Variants in ZNF581 observed in about 807,000 individuals in gnomAD.
ZNF581 encodes the protein zinc finger protein 581.
ZNF581 carries 1 observed loss-of-function variant against 1.2 expected under a neutral mutation model. That is an observed-to-expected ratio of 0.83 (90% CI 0.30 to 3.95). The LOEUF is 3.95. Among genes scored for constraint, ZNF581 ranks in the 30% most tolerant of loss-of-function variants. The probability of loss-of-function intolerance (pLI) is 0.18; values close to 1 mark genes in which losing one functional copy is unlikely to be tolerated. For missense variants in ZNF581, 273 were observed against 274.6 expected (o/e 0.99, Z 0.04); for synonymous variants, 105 against 109.2 (o/e 0.96, Z 0.24).
upstream of ZNF581, chr19:55,640,173 G>A (rs373790098): frequency 4.1e-6 from 4 of 985,348 alleles, no homozygotes; most frequent in South Asian, 9.4e-5. Context: ...AGGCCGTGGC[G>A]CCACGTGGCT....
chr19:55,640,220 TG>T (rs1982366917), upstream of ZNF581: 1 of 985,316 alleles, frequency 1.0e-6, no homozygotes, highest in Admixed American at 6.1e-5. Flanking sequence ...TGCTGCCGCG[TG>T]TGCAGCTCTC....
At chr19:55,641,709 GC>G (rs1009745921), upstream of ZNF581, 5 of 150,676 alleles carry the variant, frequency 3.3e-5, no homozygotes, top group African/African-American at 1.2e-4. Context: ...AGAAAAGGGG[GC>G]CTTTGGGGAG....
At chr19:55,639,025 G>GA (rs796910745), upstream of ZNF581, among the ~76,000 whole-genome samples, 70 of 98,594 alleles carry the variant, frequency 7.1e-4, no homozygotes, top group African/African-American at 1.9e-3. Context: ...AAAAAAAAAA[G>GA]AAAAAAAAAA....
chr19:55,638,708 G>C (rs910549649), upstream of ZNF581, among the ~76,000 whole-genome samples: 1 of 152,130 alleles, frequency 6.6e-6, no homozygotes, highest in African/African-American at 2.4e-5. Context: ...TTTGGAGGAG[G>C]CCAGGTGTGG....
upstream of ZNF581, chr19:55,643,184 T>C (rs1982640623): frequency 8.4e-7 from 1 of 1,194,790 alleles, no homozygotes; most frequent in African/African-American, 1.6e-5. Flanking sequence ...GGAGCATCAT[T>C]CCTTCCTTAC....
At chr19:55,642,966 C>T (rs1020115901), upstream of ZNF581, 2 of 1,403,678 alleles carry the variant, frequency 1.4e-6, no homozygotes, top group African/African-American at 1.5e-5. Flanking sequence ...CACACCTGCC[C>T]GCTCTGCCCA....
chr19:55,645,215 G>A lies in ZNF581; in HGVS notation c.*50G>A. 1 of 1,473,348 alleles carries A rather than the reference G, an allele frequency of 6.8e-7. No individual in the cohort carries two copies. Among genetic ancestry groups the A allele is most frequent in the Non-Finnish European group, 9.1e-7 (1 of 1,099,556 alleles). The allele number at this position is 1,473,348 out of a possible 1,614,324, so 91.3% of individuals were successfully genotyped here. ...ACCACAGGACTTTGCAGGGAGCCTG[G>A]ACTCCTGTCCAGACACCTGGTGAGA... is the stretch of plus-strand genomic sequence containing the variant. On this transcript the variant is annotated 3_prime_UTR_variant, in exon 2 of 2. Transcript: ENST00000270451.
At position 55,644,570 on chromosome 19, in the gene ZNF581, G is replaced by T; in HGVS notation, c.-2G>T. 2 of 1,584,080 alleles carry T rather than the reference G, an allele frequency of 1.3e-6. No individual in the cohort carries two copies. Among genetic ancestry groups the T allele is most frequent in the Non-Finnish European group, 1.7e-6 (2 of 1,165,814 alleles). Reference sequence around the variant, plus strand: ...TCCACCAGGCCTCAGCCAGCCCTCCGGATGCTGGTGCTGCCATCCCCCTGC... The same window carrying T: ...TCCACCAGGCCTCAGCCAGCCCTCCTGATGCTGGTGCTGCCATCCCCCTGC... On this transcript the variant is annotated 5_prime_UTR_variant, in exon 2 of 2. Transcript: ENST00000270451. This position sits in a 1 kb window ranked among gnomAD's most constrained non-coding sequence, Gnocchi z 4.3.
chr19:55,636,813 G>A (rs1322392866), upstream of ZNF581, among the ~76,000 whole-genome samples: 2 of 152,186 alleles, frequency 1.3e-5, no homozygotes, highest in East Asian at 3.9e-4. Flanking sequence ...AGGCCAGGAA[G>A]GAGTCACTCT....
At chr19:55,638,816 G>C (rs1426127392), upstream of ZNF581, among the ~76,000 whole-genome samples, 1 of 151,890 alleles carries the variant, frequency 6.6e-6, no homozygotes, top group Non-Finnish European at 1.5e-5. Context: ...GGTGAAACCT[G>C]TCTCTACCAA....
chr19:55,641,165 C>T, upstream of ZNF581: 1 of 985,394 alleles, frequency 1.0e-6, no homozygotes, highest in Non-Finnish European at 1.2e-6. Flanking sequence ...CCTCCGGACC[C>T]GAGAGGCCGC....
At chr19:55,641,086 C>G, upstream of ZNF581, 1 of 985,254 alleles carries the variant, frequency 1.0e-6, no homozygotes, top group African/African-American at 1.7e-5. Context: ...CGGAGCTGCC[C>G]GGAAGTCTCG....
At position 55,645,107 on chromosome 19, in the gene ZNF581, C is replaced by T. The variant is rs1600051140; in HGVS notation, c.536C>T (p.Pro179Leu). 6.5e-7 allele frequency: 1 copy of T among 1,541,864 alleles called. No homozygotes were observed. The change falls in exon 2 of 2, where the codon CCT (proline) becomes CTT (leucine). Residue 179 changes from proline (P) to leucine (L), a missense_variant. Physicochemically the swap from Pro to Leu is moderately conservative, Grantham distance 98. Coordinates refer to ENST00000270451, the MANE Select transcript of ZNF581 (RefSeq NM_016535.4). ...GERPFQCPHC[P>L]RRFMEQNTLQ... is the part of the protein sequence containing the mutation. ...CGCCCGTTTCAGTGTCCACACTGCC[C>T]TCGCCGCTTTATGGAGCAGAACACA...
upstream of ZNF581, chr19:55,643,028 G>A (rs1249231804): frequency 1.5e-6 from 2 of 1,359,758 alleles, no homozygotes; most frequent in Admixed American, 4.0e-5. Flanking sequence ...CCTCCACTAA[G>A]CTCGAGACCC....
At chr19:55,639,948 C>T (rs1485374694), upstream of ZNF581, among the ~76,000 whole-genome samples, 5 of 152,202 alleles carry the variant, frequency 3.3e-5, no homozygotes, top group African/African-American at 7.2e-5. Context: ...AAATTCAGGT[C>T]CTCTGATACA....
chr19:55,642,884 G>A, upstream of ZNF581: 1 of 1,563,618 alleles, frequency 6.4e-7, no homozygotes, highest in Non-Finnish European at 8.6e-7. Context: ...CGGCGCCTGC[G>A]GCAAGGCCTT....
In ZNF581 at chr19:55,644,983, C is replaced by A. The variant is rs751467527; in HGVS notation, c.412C>A (p.Leu138Met). ...CTTGGCACGGCACCATTCCATTCAC[C>A]TGGCGGGTGGTGGGCGGCCCCACGG... ...SHLARHHSIH[L>M]AGGGRPHGCP... Residue 138 changes from leucine to methionine, a missense_variant, in exon 2 of 2, where the codon CTG (leucine) becomes ATG (methionine). Transcript: ENST00000270451. The surrounding 1 kb of genome is among the most constrained non-coding windows in gnomAD (Gnocchi z 4.3). 6.2e-7 allele frequency: 1 copy of A among 1,605,944 alleles called. No individual in the cohort carries two copies. Among genetic ancestry groups the A allele is most frequent in the African/African-American group, 1.3e-5 (1 of 74,794 alleles).
upstream of ZNF581, chr19:55,642,637 G>T (rs985967698): frequency 2.9e-5 from 42 of 1,428,548 alleles, no homozygotes; most frequent in Non-Finnish European, 3.8e-5. Context: ...CCTCGGCGGC[G>T]GGGCCCCGAC....
chr19:55,638,545 T>C (rs1982234152), upstream of ZNF581, among the ~76,000 whole-genome samples: 1 of 152,144 alleles, frequency 6.6e-6, no homozygotes, highest in South Asian at 2.1e-4. Context: ...TGACATGCTC[T>C]TTTAAACAAC....
Sources: gnomAD v4.1 joint callset for allele counts (sites outside exome capture counted in the v4.1 genomes callset) on GRCh38, gnomAD v4.1.1 for gene constraint, Gnocchi (gnomAD v3.1) non-coding constraint, MANE v1.5 for transcripts, NCBI Gene and HGNC (gene_info 2026-07-23, HGNC 2026-07-21) for gene names.